POLR2F: variants seen among roughly 807,000 people sequenced by gnomAD.
POLR2F encodes the protein DNA-directed RNA polymerases I, II, and III subunit RPABC2.
POLR2F carries 12 observed loss-of-function variants against 22.7 expected under a neutral mutation model. The observed-to-expected ratio is 0.53, with a 90% CI of 0.34 to 0.86. POLR2F has a LOEUF of 0.86. POLR2F is among the 40% of genes least tolerant of loss of function. The pLI, the probability that POLR2F is intolerant of heterozygous loss-of-function variation, is 0.02. For synonymous variants in POLR2F, 57 were observed against 66.0 expected, an observed-to-expected ratio of 0.86 and a Z score of 0.66; for missense variants, 126 against 171.5, an observed-to-expected ratio of 0.73 and a Z score of 1.48.
At chr22:38,035,454 G>A (rs764879392) in intron 5 of POLR2F, among the ~76,000 whole-genome samples, 30 of 152,218 alleles carry the variant, frequency 2.0e-4, no homozygotes, top group Non-Finnish European at 3.8e-4. Flanking sequence ...ATCAGGGGTC[G>A]CTCTCTTCCC....
intron 4 of POLR2F, among the ~76,000 whole-genome samples, chr22:37,975,814 G>C (rs1229312148): frequency 1.3e-5 from 2 of 152,152 alleles, no homozygotes. Flanking sequence ...AGCCTTCCTT[G>C]ACAAGAGTCT....
chr22:38,028,295 C>T (rs12628144), downstream of POLR2F, among the ~76,000 whole-genome samples: 6,731 of 152,064 alleles, frequency 0.044, 279 homozygotes, highest in African/African-American at 0.1. Flanking sequence ...TCCTGCTGCA[C>T]GGCGATGCTT....
At chr22:38,007,533 G>C (rs1569179109) in intron 1 of POLR2F, among the ~76,000 whole-genome samples, 2 of 152,254 alleles carry the variant, frequency 1.3e-5, no homozygotes, top group African/African-American at 2.4e-5. Context: ...GCGGTGGACA[G>C]AGCGGGGCCG....
At chr22:38,040,765 C>G in intron 5 of POLR2F, 1 of 456,982 alleles carries the variant, frequency 2.2e-6, no homozygotes, top group Non-Finnish European at 3.9e-6. Flanking sequence ...TGAACGAGGG[C>G]ACTGGCACCT....
intron 1 of POLR2F, among the ~76,000 whole-genome samples, chr22:37,989,024 C>T (rs1055410843): frequency 5.3e-5 from 8 of 152,106 alleles, no homozygotes; most frequent in African/African-American, 9.7e-5. Context: ...AGTCTGAGTG[C>T]GCTGGGGTGG....
chr22:38,039,533 C>T (rs995060968), intron 5 of POLR2F, among the ~76,000 whole-genome samples: 4 of 152,136 alleles, frequency 2.6e-5, no homozygotes, highest in Admixed American at 1.3e-4. Context: ...TTGTGAGAGC[C>T]GGTGCCCGGG....
At chr22:38,035,971 C>T (rs1287477720) in intron 5 of POLR2F, among the ~76,000 whole-genome samples, 1 of 135,264 alleles carries the variant, frequency 7.4e-6, no homozygotes, top group Non-Finnish European at 1.5e-5. Flanking sequence ...CACTGAGCCC[C>T]TGCTTTTCTT....
chr22:37,984,887 G>A (rs1479632841), upstream of POLR2F, among the ~76,000 whole-genome samples: 4 of 152,142 alleles, frequency 2.6e-5, no homozygotes, highest in Non-Finnish European at 2.9e-5. This position sits in a 1 kb window ranked among gnomAD's most constrained non-coding sequence, Gnocchi z 4.4. Context: ...GTGGCAGGAT[G>A]GGCACTTGGC....
At chr22:37,964,021 G>C (rs368955102) in intron 3 of POLR2F, among the ~76,000 whole-genome samples, 1 of 151,882 alleles carries the variant, frequency 6.6e-6, no homozygotes, top group East Asian at 1.9e-4. Context: ...AGAATCGCTT[G>C]AACCTGGGAG....
chr22:37,976,937 C>T (rs893552746), intron 4 of POLR2F, among the ~76,000 whole-genome samples: 12 of 152,050 alleles, frequency 7.9e-5, no homozygotes, highest in East Asian at 1.9e-4. Flanking sequence ...GAGGCCGAGG[C>T]GGGCAGATTG....
chr22:37,987,185 G>C (rs1053738068), intron 1 of POLR2F: 6 of 456,498 alleles, frequency 1.3e-5, no homozygotes, highest in African/African-American at 1.0e-4. Context: ...AGGGGTCTGC[G>C]GTCTGAGTGT....
chr22:37,973,020 C>T (rs139883), downstream of POLR2F: 93,085 of 156,852 alleles, frequency 0.59, 27,906 homozygotes, highest in East Asian at 0.75. Context: ...CGGCCAGCTC[C>T]GGGCACAGTC....
chr22:37,977,317 C>CT lies in POLR2F; in HGVS notation c.293+10158dup, dbSNP rs370748083. ...TCTCACTCCATGACCTCCACAGAGT[C>CT]TTTTTTTTTTTCTTTCTCTTTGAGA... On this transcript the variant is annotated intron_variant, in intron 4 of 4. Transcript: ENST00000405557. 5.6e-3 allele frequency among the ~76,000 whole-genome samples: 814 copies of CT among 145,078 alleles called. 3 individuals carry two copies. Among genetic ancestry groups the CT allele is most frequent in the Non-Finnish European group, 7.7e-3 (508 of 65,604 alleles).
intron 5 of POLR2F, among the ~76,000 whole-genome samples, chr22:38,035,144 T>G (rs921778823): frequency 6.6e-6 from 1 of 151,942 alleles, no homozygotes; most frequent in Non-Finnish European, 1.5e-5. Context: ...TCTCTCCCCC[T>G]GTGTGTGTCT....
chr22:37,961,146 G>A (rs975205178), intron 3 of POLR2F, among the ~76,000 whole-genome samples: 8 of 152,146 alleles, frequency 5.3e-5, no homozygotes, highest in African/African-American at 1.7e-4. Flanking sequence ...ACCGCGCCTG[G>A]CCGGCTCAAG....
At position 37,968,096 on chromosome 22, in the gene POLR2F, G is replaced by A; in HGVS notation, c.*381G>A. ...CCCAATTTCCTTTCCAGTGGGGACT[G>A]GCTGCAGGGGCTTCTCCCTTCTCAG... On this transcript the variant is annotated 3_prime_UTR_variant, in exon 5 of 5. Transcript: ENST00000442738. The A allele has an allele frequency of 1.0e-6, 1 of 998,490 alleles. No homozygotes were observed. The highest frequency in any genetic ancestry group is 1.2e-6 in the Non-Finnish European group (1 of 837,816). 61.9% of individuals were successfully genotyped at this position (998,490 alleles called of 1,614,324 possible).
chr22:37,979,300 A>G (rs1336776863), intron 4 of POLR2F, among the ~76,000 whole-genome samples: 57 of 139,246 alleles, frequency 4.1e-4, no homozygotes, highest in East Asian at 2.9e-3. Flanking sequence ...GTTTCACCAT[A>G]TTGGCCAGGC....
In POLR2F at chr22:38,022,989, C is replaced by T. The variant is rs577009689; in HGVS notation, c.121-2880C>T. 1.4e-4 allele frequency among the ~76,000 whole-genome samples: 21 copies of T among 152,262 alleles called. No homozygotes were observed. The South Asian group carries it at 3.5e-3, about 26-fold the overall frequency. ...TCGTGCCATTGCACTCCAGCCTGGGCGACAAGAACAAGACTCTGTCTCTGA... is the reference window on the plus strand; with the variant it reads ...TCGTGCCATTGCACTCCAGCCTGGGTGACAAGAACAAGACTCTGTCTCTGA... On this transcript the variant is annotated intron_variant, in intron 1 of 2. Transcript: ENST00000333418.
chr22:38,041,221 G>T, downstream of POLR2F: 3 of 1,500,866 alleles, frequency 2.0e-6, no homozygotes, highest in Non-Finnish European at 2.7e-6. Context: ...TGAGGACACG[G>T]TCTAGACTGA....
Sources: allele counts gnomAD v4.1 joint callset (sites outside exome capture counted in the v4.1 genomes callset), GRCh38; gene constraint gnomAD v4.1.1; non-coding constraint Gnocchi (gnomAD v3.1); transcripts MANE v1.5; gene names NCBI Gene and HGNC (gene_info 2026-07-23, HGNC 2026-07-21).